The following MIDEAS variants were observed in gnomAD, a reference collection of about 807,000 sequenced individuals.
MIDEAS encodes the protein mitotic deacetylase-associated SANT domain protein.
In MIDEAS, 26 loss-of-function variants were observed where a neutral mutation model predicts 102.7. The observed-to-expected ratio is 0.25, with a 90% CI of 0.19 to 0.35. The LOEUF (loss-of-function observed/expected upper bound fraction) is 0.35, where lower values mean the gene tolerates loss of function less well. MIDEAS is among the 10% of genes least tolerant of loss of function. The pLI is 1.00. For synonymous variants in MIDEAS, 585 were observed against 591.0 expected, an observed-to-expected ratio of 0.99 and a Z score of 0.15; for missense variants, 1,231 against 1,435.6, an observed-to-expected ratio of 0.86 and a Z score of 2.30.
In MIDEAS at chr14:73,736,901, T is replaced by A. The variant is rs1476341384; in HGVS notation, c.1749+97A>T. The A allele has an allele frequency of 2.4e-6, 3 of 1,264,224 alleles. No individual in the cohort carries two copies. In the African/African-American group the frequency reaches 4.4e-5, roughly 19 times the overall value. 78.3% of individuals were successfully genotyped at this position (1,264,224 alleles called of 1,614,324 possible). On this transcript the variant is annotated intron_variant, in intron 3 of 12. Coordinates refer to ENST00000423556, the MANE Select transcript of MIDEAS (RefSeq NM_001367710.1). Reference sequence around the variant, plus strand: ...AATAGTATCTCCACAGGTTCCCTGATACCTTCCTACATTGCCATGTTCTCC... The same window carrying A: ...AATAGTATCTCCACAGGTTCCCTGAAACCTTCCTACATTGCCATGTTCTCC...
intron 1 of MIDEAS, among the ~76,000 whole-genome samples, chr14:73,757,369 C>T (rs1047096404): frequency 6.7e-6 from 1 of 150,070 alleles, no homozygotes; most frequent in Non-Finnish European, 1.5e-5. Context: ...CTGAAATGTG[C>T]TTTAAGCATT....
At position 73,737,184 on chromosome 14, in the gene MIDEAS, C is replaced by G; in HGVS notation, c.1563G>C (p.Gly521=). The G allele has an allele frequency of 1.2e-6, 2 of 1,614,148 alleles. No individual in the cohort carries two copies. The highest frequency in any genetic ancestry group is 1.7e-6 in the Non-Finnish European group (2 of 1,180,022). ...ACACTGGGATGATGAGGGGTACCATCCCACTGTCTTCTCGTGCTCGCTTGG... is the reference window on the plus strand; with the variant it reads ...ACACTGGGATGATGAGGGGTACCATGCCACTGTCTTCTCGTGCTCGCTTGG... The part of the protein sequence containing the change: ...LATKRAREDS[G]MVPLIIPVSV... The change falls in exon 3 of 13, where the codon GGG becomes GGC. Residue 521 remains glycine (G), a synonymous_variant. Coordinates refer to ENST00000423556, the MANE Select transcript of MIDEAS (RefSeq NM_001367710.1).
chr14:73,748,997 CT>C (rs1021047483), intron 1 of MIDEAS, among the ~76,000 whole-genome samples: 2 of 152,062 alleles, frequency 1.3e-5, no homozygotes, highest in African/African-American at 4.8e-5. Flanking sequence ...CAATACTCTA[CT>C]TTTTTTCATG....
intron 1 of MIDEAS, among the ~76,000 whole-genome samples, chr14:73,774,328 G>A (rs2053670684): frequency 6.6e-6 from 1 of 151,910 alleles, no homozygotes; most frequent in Non-Finnish European, 1.5e-5. Context: ...TCAGGAGGAT[G>A]CATTCTTCCT....
intron 1 of MIDEAS, among the ~76,000 whole-genome samples, chr14:73,781,020 C>T (rs2053751874): frequency 6.6e-6 from 1 of 151,872 alleles, no homozygotes; most frequent in African/African-American, 2.4e-5. Flanking sequence ...AGATGGAGTC[C>T]TTGGTTTACA....
At chr14:73,733,574 G>A (rs1411480843) in intron 3 of MIDEAS, among the ~76,000 whole-genome samples, 1 of 152,146 alleles carries the variant, frequency 6.6e-6, no homozygotes, top group Non-Finnish European at 1.5e-5. Context: ...GCACAACAGA[G>A]TGAGACTCCA....
rs1427451007 is a variant in MIDEAS at position 73,719,310 on chromosome 14, A to G, written c.3129T>C (p.Cys1043=). Residue 1043 remains cysteine, a synonymous_variant, in exon 12 of 13, where the codon TGT becomes TGC. Transcript: ENST00000423556. ...NQENTFPCKK[C]GRVFYKVKSR... The stretch of plus-strand genomic sequence containing the variant: ...GACAGCGCTGCCCACCTTACCTGCC[A>G]CATTTTTTACAGGGGAAAGTGTTCT... 3.4e-6 allele frequency: 5 copies of G among 1,491,188 alleles called. No individual in the cohort carries two copies. The allele number at this position is 1,491,188 out of a possible 1,614,324, so 92.4% of individuals were successfully genotyped here.
At chr14:73,790,127 A>G (rs1024673531), upstream of MIDEAS, 2 of 152,266 alleles carry the variant, frequency 1.3e-5, no homozygotes, top group Non-Finnish European at 2.9e-5. Context: ...CACTGCTGCC[A>G]GGGCGAGGGA....
chr14:73,753,995 G>GAGGAAGGGCTGCAGGAAGT (rs1281796124), intron 1 of MIDEAS, among the ~76,000 whole-genome samples: 3 of 152,202 alleles, frequency 2.0e-5, no homozygotes, highest in Non-Finnish European at 4.4e-5. Flanking sequence ...GAGGGAGGCT[G>GAGGAAGGGCTGCAGGAAGT]AGGAAGGGCT....
chr14:73,741,445 G>A lies in MIDEAS; in HGVS notation c.-247-1190C>T, dbSNP rs192932391. On this transcript the variant is annotated intron_variant, in intron 1 of 12. Transcript: ENST00000423556. ...AGTAAGATTCTGGTCCCTAGGAAGA[G>A]GGGAAAACAGCTCGGGCGGCTCTGA... 9.7e-4 allele frequency among the ~76,000 whole-genome samples: 147 copies of A among 152,198 alleles called. 1 individual carries two copies. Among genetic ancestry groups the A allele is most frequent in the East Asian group, 7.7e-4 (4 of 5,186 alleles).
At position 73,737,007 on chromosome 14, in the gene MIDEAS, A is replaced by C. The variant is rs756668626; in HGVS notation, c.1740T>G (p.Ala580=). 1 of 1,611,468 alleles carries C rather than the reference A, an allele frequency of 6.2e-7. No individual in the cohort carries two copies. Among genetic ancestry groups the C allele is most frequent in the Non-Finnish European group, 8.5e-7 (1 of 1,178,542 alleles). The stretch of plus-strand genomic sequence containing the variant: ...GGGGCGCCTCTCATACCTGAGCTTG[A>C]GCATCTGTCCCGGGGATTCGGGTGG... ...RRSTRIPGTD[A]QAQAEDMNVK... The change falls in exon 3 of 13, where the codon GCT becomes GCG. Residue 580 remains alanine, a synonymous_variant. Coordinates refer to ENST00000423556, the MANE Select transcript of MIDEAS (RefSeq NM_001367710.1).
At chr14:73,753,699 G>A (rs2053449173) in intron 1 of MIDEAS, among the ~76,000 whole-genome samples, 1 of 152,180 alleles carries the variant, frequency 6.6e-6, no homozygotes, top group South Asian at 2.1e-4. Context: ...CCAGGCAAGG[G>A]CGGGACAGGG....
intron 11 of MIDEAS, among the ~76,000 whole-genome samples, chr14:73,720,996 C>A (rs1333995023): frequency 6.6e-6 from 1 of 152,164 alleles, no homozygotes; most frequent in Non-Finnish European, 1.5e-5. Flanking sequence ...CTTTTTCCCT[C>A]TGAATCTCAG....
Position 73,759,390 on chromosome 14 carries a change from C to A in MIDEAS, c.-248+373G>T, listed in dbSNP as rs559101425. Among the ~76,000 whole-genome samples the A allele has an allele frequency of 1.4e-3, 218 of 152,022 alleles. No individual in the cohort carries two copies. Among genetic ancestry groups the A allele is most frequent in the African/African-American group, 5.0e-3 (208 of 41,508 alleles). On this transcript the variant is annotated intron_variant, in intron 1 of 12. Transcript: ENST00000423556. This position sits in a 1 kb window ranked among gnomAD's most constrained non-coding sequence, Gnocchi z 6.7. ...AGGAGGAGCAGCCGGATTCCCGAGC[C>A]GCCGCGGGCCGCCGGGTGGGGAGGG... is the stretch of plus-strand genomic sequence containing the variant.
In MIDEAS at chr14:73,738,645, C is replaced by G; in HGVS notation, c.1364G>C (p.Arg455Pro). The stretch of plus-strand genomic sequence containing the variant: ...CTCCTGGGATGCCCGGCGCCTCCGT[C>G]GCGTGCTCTGGATCACTCCGCCCCG... ...VLRGGVIQST[R>P]RRRRASQEAN... The change falls in exon 2 of 13, where the codon CGA (arginine) becomes CCA (proline). Residue 455 changes from arginine to proline, a missense_variant. Arg to Pro is a moderately radical substitution (Grantham distance 103). This residue lies in a region of MIDEAS where 758 missense variants were observed against 856.0 expected (regional missense o/e 0.89). Transcript: ENST00000423556. 6.2e-7 allele frequency: 1 copy of G among 1,613,658 alleles called. No homozygotes were observed. The highest frequency in any genetic ancestry group is 1.1e-5 in the South Asian group (1 of 91,024).
At position 73,722,790 on chromosome 14, in the gene MIDEAS, C is replaced by A. The variant is rs1165859201; in HGVS notation, c.2632G>T (p.Val878Leu). 1.2e-6 allele frequency: 2 copies of A among 1,614,096 alleles called. No individual in the cohort carries two copies. The highest frequency in any genetic ancestry group is 4.5e-5 in the East Asian group (2 of 44,894). The change falls in exon 10 of 13, where the codon GTG becomes TTG. Residue 878 changes from valine to leucine, a missense_variant. Val to Leu is a conservative substitution (Grantham distance 32, BLOSUM62 1). Coordinates refer to ENST00000423556, the MANE Select transcript of MIDEAS (RefSeq NM_001367710.1). ...AGAGTCCCATTGCGGCCGATTTTCA[C>A]CTGCTTCTTGTAGGTGTAGTAGAAC... The part of the protein sequence containing the change: ...VEFYYTYKKQ[V>L]KIGRNGTLTF...
chr14:73,768,612 G>A (rs2053612385), intron 1 of MIDEAS, among the ~76,000 whole-genome samples: 1 of 150,294 alleles, frequency 6.7e-6, no homozygotes, highest in South Asian at 2.1e-4. Flanking sequence ...AGCCTCCCGA[G>A]TAGCTGGGAC....
intron 4 of MIDEAS, chr14:73,728,244 C>G (rs955126551): frequency 2.3e-5 from 3 of 128,216 alleles, no homozygotes; most frequent in Admixed American, 1.7e-4. Flanking sequence ...GATCAAAACA[C>G]TCCTTTGCTT....
At chr14:73,775,261 T>C (rs959138784) in intron 1 of MIDEAS, among the ~76,000 whole-genome samples, 2 of 152,010 alleles carry the variant, frequency 1.3e-5, no homozygotes, top group Admixed American at 1.3e-4. Flanking sequence ...CAAGAGTACA[T>C]GTGCCATTCT....
Sources: gnomAD v4.1 joint callset for allele counts (sites outside exome capture counted in the v4.1 genomes callset) on GRCh38, gnomAD v4.1.1 for gene constraint, gnomAD v4.1.1 regional missense constraint, Gnocchi (gnomAD v3.1) non-coding constraint, MANE v1.5 for transcripts, NCBI Gene and HGNC (gene_info 2026-07-23, HGNC 2026-07-21) for gene names.